NSRP1: variants seen among roughly 807,000 people sequenced by gnomAD.
NSRP1 encodes coiled-coil domain containing 55.
NSRP1 carries 24 observed loss-of-function variants against 54.7 expected under a neutral mutation model. The ratio of observed to expected loss-of-function variants is 0.44; its 90% CI spans 0.32 to 0.62. The LOEUF (loss-of-function observed/expected upper bound fraction) is 0.62. NSRP1 is among the 20% of genes least tolerant of loss of function. The probability of loss-of-function intolerance (pLI) is 0.06; values close to 1 mark genes in which losing one functional copy is unlikely to be tolerated. For synonymous variants in NSRP1, 210 were observed against 213.8 expected, an observed-to-expected ratio of 0.98 and a Z score of 0.15; for missense variants, 596 against 651.2, an observed-to-expected ratio of 0.92 and a Z score of 0.92.
intron 2 of NSRP1, among the ~76,000 whole-genome samples, chr17:30,126,270 G>C (rs1413604279): frequency 6.6e-6 from 1 of 152,170 alleles, no homozygotes; most frequent in South Asian, 2.1e-4. Context: ...TCTCCTAACT[G>C]TTCCTCCATA....
intron 1 of NSRP1, chr17:30,117,484 G>T: frequency 2.4e-6 from 1 of 421,398 alleles, no homozygotes; most frequent in Non-Finnish European, 4.2e-6. Flanking sequence ...GAAACTAAAG[G>T]AGTTGGATCT....
intron 3 of NSRP1, among the ~76,000 whole-genome samples, chr17:30,177,582 TTA>T (rs1905170958): frequency 6.6e-6 from 1 of 152,022 alleles, no homozygotes; most frequent in South Asian, 2.1e-4. Flanking sequence ...GGCAGAGACT[TTA>T]TGTTTAACAA....
chr17:30,126,707 C>T (rs1178983354), intron 2 of NSRP1, among the ~76,000 whole-genome samples: 1 of 152,150 alleles, frequency 6.6e-6, no homozygotes, highest in African/African-American at 2.4e-5. Flanking sequence ...TTAGCCTCCG[C>T]CTCCTGAGTA....
chr17:30,176,063 T>C (rs901935919), intron 3 of NSRP1, among the ~76,000 whole-genome samples: 1 of 151,892 alleles, frequency 6.6e-6, no homozygotes, highest in African/African-American at 2.4e-5. Context: ...GCCAGTTGTG[T>C]TAATCCATAT....
chr17:30,138,358 G>A (rs746340196), intron 2 of NSRP1, among the ~76,000 whole-genome samples: 2 of 152,050 alleles, frequency 1.3e-5, no homozygotes, highest in Non-Finnish European at 2.9e-5. Context: ...GTGTCCTTGG[G>A]GGACTGGTTT....
At chr17:30,135,222 G>A (rs943971848) in intron 2 of NSRP1, among the ~76,000 whole-genome samples, 30 of 151,972 alleles carry the variant, frequency 2.0e-4, no homozygotes, top group African/African-American at 6.8e-4. Flanking sequence ...GGACTCAAGC[G>A]ATCCTCCCGT....
At chr17:30,140,130 G>A (rs1314845795) in intron 2 of NSRP1, among the ~76,000 whole-genome samples, 3 of 152,192 alleles carry the variant, frequency 2.0e-5, no homozygotes, top group Non-Finnish European at 4.4e-5. Context: ...GAGCACATAC[G>A]AGAATCCAGC....
At chr17:30,178,812 T>G (rs1209981656) in intron 4 of NSRP1, among the ~76,000 whole-genome samples, 1 of 152,114 alleles carries the variant, frequency 6.6e-6, no homozygotes, top group Non-Finnish European at 1.5e-5. Context: ...CTGATTTTTT[T>G]TTAATTAAGA....
At chr17:30,182,943 T>C (rs1425502468) in intron 6 of NSRP1, among the ~76,000 whole-genome samples, 1 of 151,648 alleles carries the variant, frequency 6.6e-6, no homozygotes, top group African/African-American at 2.4e-5. Context: ...CAAAAAATAA[T>C]AATAATAAAT....
At chr17:30,131,242 A>G (rs1425814131) in intron 2 of NSRP1, among the ~76,000 whole-genome samples, 2 of 152,152 alleles carry the variant, frequency 1.3e-5, no homozygotes, top group South Asian at 2.1e-4. Context: ...AGTCTTCAAT[A>G]TATTTTCTTT....
intron 2 of NSRP1, among the ~76,000 whole-genome samples, chr17:30,134,489 C>T (rs1227309276): frequency 6.6e-6 from 1 of 152,154 alleles, no homozygotes; most frequent in Non-Finnish European, 1.5e-5. Context: ...ATGGTACGGT[C>T]ATTGTAATTT....
chr17:30,175,182 A>ATT (rs770270479), intron 3 of NSRP1, among the ~76,000 whole-genome samples: 14 of 152,172 alleles, frequency 9.2e-5, no homozygotes, highest in African/African-American at 2.6e-4. Context: ...TAATATATGC[A>ATT]TTTAAGGCTA....
At chr17:30,169,788 T>G (rs1008602771) in intron 2 of NSRP1, among the ~76,000 whole-genome samples, 1 of 152,028 alleles carries the variant, frequency 6.6e-6, no homozygotes, top group African/African-American at 2.4e-5. Context: ...ATGACCTTTG[T>G]GTATTAAATT....
intron 2 of NSRP1, among the ~76,000 whole-genome samples, chr17:30,162,444 G>C (rs1904555034): frequency 6.6e-6 from 1 of 152,176 alleles, no homozygotes; most frequent in Non-Finnish European, 1.5e-5. Context: ...ACTTACAAGA[G>C]TTGTGAGAAT....
rs1282355559 is a variant in NSRP1, at chr17:30,180,916, G to A, written c.517G>A (p.Asp173Asn). ...TGCTTTCCCTCTGTTAGCATGTTTG[G>A]ATGTAACCAAGCAGAAAGATCTCAG... Reference protein sequence around the residue: ...KRAAALEACLDVTKQKDLSGF... With the variant: ...KRAAALEACLNVTKQKDLSGF... Residue 173 changes from aspartate (D) to asparagine (N), a missense_variant, in exon 6 of 7, where the codon GAT (aspartate) becomes AAT (asparagine). By Grantham distance (23) the Asp-to-Asn change is conservative. Transcript: ENST00000247026. 5 of 1,610,242 alleles carry A rather than the reference G, an allele frequency of 3.1e-6. No homozygotes were observed. The highest frequency in any genetic ancestry group is 4.2e-6 in the Non-Finnish European group (5 of 1,177,230).
intron 2 of NSRP1, among the ~76,000 whole-genome samples, chr17:30,171,983 CTCTCTCT>C (rs1904962989): frequency 9.5e-6 from 1 of 105,340 alleles, no homozygotes; most frequent in Admixed American, 1.1e-4. Flanking sequence ...CTCCCTCTCT[CTCTCTCT>C]CTCTCTCTCT....
At chr17:30,156,072 T>A (rs1322665657) in intron 2 of NSRP1, among the ~76,000 whole-genome samples, 1 of 151,970 alleles carries the variant, frequency 6.6e-6, no homozygotes, top group Admixed American at 6.6e-5. Flanking sequence ...ACTGCTAACC[T>A]CAAGCGATCT....
At chr17:30,152,504 A>G (rs1332974547) in intron 2 of NSRP1, among the ~76,000 whole-genome samples, 1 of 151,372 alleles carries the variant, frequency 6.6e-6, no homozygotes, top group East Asian at 1.9e-4. Flanking sequence ...TCAAGGTCAC[A>G]AAGATTTACT....
At chr17:30,126,328 T>A (rs1314109315) in intron 2 of NSRP1, among the ~76,000 whole-genome samples, 1 of 152,232 alleles carries the variant, frequency 6.6e-6, no homozygotes, top group African/African-American at 2.4e-5. Context: ...TGCTTTTCTT[T>A]ACACTGGAAG....
Sources: gnomAD v4.1 joint callset for allele counts (sites outside exome capture counted in the v4.1 genomes callset) on GRCh38, gnomAD v4.1.1 for gene constraint, MANE v1.5 for transcripts, NCBI Gene and HGNC (gene_info 2026-07-23, HGNC 2026-07-21) for gene names.